The following COL25A1 variants were observed in gnomAD, a reference collection of about 807,000 sequenced individuals.
The protein encoded by COL25A1 is collagen alpha-1(XXV) chain.
A neutral mutation model predicts 128.4 loss-of-function variants in COL25A1; 103 were observed. The ratio of observed to expected loss-of-function variants is 0.80; its 90% CI spans 0.68 to 0.94. The LOEUF is 0.94. COL25A1 is among the 40% of genes least tolerant of loss of function. COL25A1 has a pLI of 0.00. For synonymous variants in COL25A1, 279 were observed against 277.2 expected, an observed-to-expected ratio of 1.01 and a Z score of -0.06; for missense variants, 745 against 840.0, an observed-to-expected ratio of 0.89 and a Z score of 1.40.
intron 3 of COL25A1, among the ~76,000 whole-genome samples, chr4:109,236,327 C>A (rs886122434): frequency 6.6e-6 from 1 of 151,812 alleles, no homozygotes; most frequent in Non-Finnish European, 1.5e-5. Flanking sequence ...TATAAGAAAC[C>A]AAGATTTGTT....
At chr4:109,047,822 T>A (rs949117593) in intron 5 of COL25A1, among the ~76,000 whole-genome samples, 1 of 143,582 alleles carries the variant, frequency 7.0e-6, no homozygotes. Flanking sequence ...AAGCTCCACC[T>A]CCCGGGTTCA....
chr4:108,892,165 A>G (rs1293763828), intron 16 of COL25A1, among the ~76,000 whole-genome samples: 1 of 152,144 alleles, frequency 6.6e-6, no homozygotes, highest in African/African-American at 2.4e-5. Context: ...TGAATACTGG[A>G]TTAAAGTAGG....
intron 3 of COL25A1, among the ~76,000 whole-genome samples, chr4:109,063,746 A>C (rs1031215382): frequency 2.6e-5 from 4 of 152,142 alleles, no homozygotes; most frequent in Admixed American, 6.5e-5. Context: ...ATTCACCGGA[A>C]TTTTTGTTTG....
chr4:108,809,548 T>C lies in COL25A1; in HGVS notation c.*4379A>G, dbSNP rs953464989. 6.6e-6 allele frequency: 1 copy of C among 152,056 alleles called. No homozygotes were observed. The highest frequency in any genetic ancestry group is 2.4e-5 in the African/African-American group (1 of 41,446). The allele number at this position is 152,056 out of a possible 1,614,324, so 9.4% of individuals were successfully genotyped here. A position where few individuals can be genotyped will look rare whatever the true frequency, so the allele number is the denominator to read the frequency against. On this transcript the variant is annotated 3_prime_UTR_variant, in exon 38 of 38. Transcript: ENST00000399132. ...GGTTTAGGTTGAAAAAGTCTTCTTA[T>C]GCCCAAAAGGACGGTTCTTTCAATA...
At chr4:109,050,034 T>C (rs1760835325) in intron 4 of COL25A1, 101 bp downstream of exon 4, 2 of 921,992 alleles carry the variant, frequency 2.2e-6, no homozygotes, top group East Asian at 5.0e-5. Context: ...AACACACACA[T>C]ATAACCTCCA....
intron 3 of COL25A1, among the ~76,000 whole-genome samples, chr4:109,121,379 G>T (rs1768089619): frequency 6.6e-6 from 1 of 152,044 alleles, no homozygotes; most frequent in African/African-American, 2.4e-5. Flanking sequence ...AGAAGCATCT[G>T]ATAAAGGGTG....
At chr4:109,289,189 AAAAC>A (rs1349363233) in intron 3 of COL25A1, among the ~76,000 whole-genome samples, 2 of 152,232 alleles carry the variant, frequency 1.3e-5, no homozygotes, top group East Asian at 3.9e-4. Context: ...AATTAATAGA[AAAAC>A]AAAATTACTT....
chr4:109,195,288 G>A (rs1212377399), intron 3 of COL25A1, among the ~76,000 whole-genome samples: 1 of 152,120 alleles, frequency 6.6e-6, no homozygotes, highest in Non-Finnish European at 1.5e-5. Context: ...ATCTAGATCT[G>A]CTGACCTCCA....
chr4:109,191,969 T>C (rs955106290), intron 3 of COL25A1, among the ~76,000 whole-genome samples: 2 of 152,192 alleles, frequency 1.3e-5, no homozygotes, highest in Admixed American at 6.5e-5. Flanking sequence ...GCAACAGGAA[T>C]AGTGGTCAAA....
intron 3 of COL25A1, among the ~76,000 whole-genome samples, chr4:109,254,503 A>ATATATG (rs1553968411): frequency 2.6e-5 from 3 of 113,898 alleles, no homozygotes; most frequent in Non-Finnish European, 5.3e-5. Flanking sequence ...ATATATATAT[A>ATATATG]TATGTATGTG....
chr4:109,073,955 T>C (rs1404732060), intron 3 of COL25A1, among the ~76,000 whole-genome samples: 1 of 152,118 alleles, frequency 6.6e-6, no homozygotes, highest in Non-Finnish European at 1.5e-5. Flanking sequence ...CACAAAAAGA[T>C]GTAGATTATT....
intron 3 of COL25A1, among the ~76,000 whole-genome samples, chr4:109,191,769 G>A (rs963380522): frequency 5.3e-5 from 8 of 152,118 alleles, no homozygotes; most frequent in African/African-American, 1.9e-4. Context: ...AGACAGCACA[G>A]AAAAGGCATC....
At chr4:109,038,080 T>C (rs1391652521) in intron 5 of COL25A1, among the ~76,000 whole-genome samples, 2 of 152,164 alleles carry the variant, frequency 1.3e-5, no homozygotes, top group East Asian at 1.9e-4. Context: ...TCTGAAAAAG[T>C]AGAACTTGAA....
intron 3 of COL25A1, among the ~76,000 whole-genome samples, chr4:109,099,629 A>AT (rs34061000): frequency 0.23 from 35,081 of 151,620 alleles, 5,249 homozygotes; most frequent in African/African-American, 0.4. Context: ...TATAAAAAAA[A>AT]AAAGAAAAAT....
At position 108,860,941 on chromosome 4, in the gene COL25A1, C is replaced by T; in HGVS notation, c.1228G>A (p.Ala410Thr). The T allele has an allele frequency of 1.2e-6, 2 of 1,613,754 alleles. No individual in the cohort carries two copies. The highest frequency in any genetic ancestry group is 1.7e-6 in the Non-Finnish European group (2 of 1,179,756). Reference sequence around the variant, plus strand: ...GGAACACTCACCCTTGGTCCCTGAGCTCCAGAGTCCCCTTTTTCTCCACGA... The same window carrying T: ...GGAACACTCACCCTTGGTCCCTGAGTTCCAGAGTCCCCTTTTTCTCCACGA... ...GDRGEKGDSG[A>T]QGPRGPPGQK... is the part of the protein sequence containing the mutation. Residue 410 changes from alanine (A) to threonine (T), a missense_variant, in exon 23 of 38, where the codon GCT becomes ACT. By Grantham distance (58) the Ala-to-Thr change is moderately conservative. This residue lies in a region of COL25A1 where 387 missense variants were observed against 441.9 expected (regional missense o/e 0.88). Coordinates refer to ENST00000399132, the MANE Select transcript of COL25A1 (RefSeq NM_198721.4).
At chr4:108,889,825 A>C (rs1189771656) in intron 16 of COL25A1, 92 bp from the exon 17 acceptor site, 49 of 1,119,772 alleles carry the variant, frequency 4.4e-5, no homozygotes, top group Admixed American at 7.2e-5. Flanking sequence ...ACAGGTACTC[A>C]AAGGGTATCT....
chr4:109,131,718 C>A (rs1403079819), intron 3 of COL25A1, among the ~76,000 whole-genome samples: 2 of 152,176 alleles, frequency 1.3e-5, no homozygotes, highest in Non-Finnish European at 1.5e-5. Context: ...GGCAGGGCAG[C>A]ACATGCTGAG....
At chr4:109,102,639 T>C (rs1766006807) in intron 3 of COL25A1, among the ~76,000 whole-genome samples, 1 of 152,194 alleles carries the variant, frequency 6.6e-6, no homozygotes, top group African/African-American at 2.4e-5. Flanking sequence ...TTTTCTCTTG[T>C]CAGTTCTGTT....
chr4:108,897,017 G>A (rs928251079), intron 15 of COL25A1, among the ~76,000 whole-genome samples: 8 of 152,120 alleles, frequency 5.3e-5, no homozygotes, highest in South Asian at 2.1e-4. Context: ...AAAGCTCCAC[G>A]CAAACAAAGG....
Sources: allele counts gnomAD v4.1 joint callset (sites outside exome capture counted in the v4.1 genomes callset), GRCh38; gene constraint gnomAD v4.1.1; regional missense constraint gnomAD v4.1.1; transcripts MANE v1.5; gene names NCBI Gene and HGNC (gene_info 2026-07-23, HGNC 2026-07-21).